GRIP1: variants seen among roughly 807,000 people sequenced by gnomAD.
GRIP1 encodes glutamate receptor-interacting protein 1.
Under a neutral mutation model 129.9 loss-of-function variants are expected in GRIP1, and 45 were observed. The observed-to-expected ratio is 0.35, with a 90% CI of 0.27 to 0.44. The LOEUF (loss-of-function observed/expected upper bound fraction) is 0.44, where lower values mean the gene tolerates loss of function less well. GRIP1 is among the 20% of genes least tolerant of loss of function. The probability of loss-of-function intolerance (pLI) is 1.00; values close to 1 mark genes in which losing one functional copy is unlikely to be tolerated. For missense variants in GRIP1, 1,196 were observed against 1,396.8 expected, an observed-to-expected ratio of 0.86 and a Z score of 2.29; for synonymous variants, 530 against 520.8, an observed-to-expected ratio of 1.02 and a Z score of -0.24.
chr12:66,424,127 A>T (rs2057902053), intron 14 of GRIP1, among the ~76,000 whole-genome samples: 1 of 152,188 alleles, frequency 6.6e-6, no homozygotes, highest in African/African-American at 2.4e-5. Context: ...TTCAGAATTC[A>T]TCGTCGTCAT....
chr12:66,736,137 G>C (rs150802872), intron 1 of GRIP1, among the ~76,000 whole-genome samples: 113 of 152,160 alleles, frequency 7.4e-4, no homozygotes, highest in Non-Finnish European at 1.4e-3. Flanking sequence ...CTGTTGACCA[G>C]AAGGCTTTCT....
intron 1 of GRIP1, among the ~76,000 whole-genome samples, chr12:66,598,793 A>T (rs1200873289): frequency 1.3e-5 from 2 of 152,208 alleles, no homozygotes; most frequent in South Asian, 2.1e-4. Flanking sequence ...AACCAGGCTT[A>T]GGTACGGCAT....
intron 1 of GRIP1, among the ~76,000 whole-genome samples, chr12:66,829,333 A>G (rs969766798): frequency 1.3e-5 from 2 of 152,158 alleles, no homozygotes; most frequent in African/African-American, 4.8e-5. Flanking sequence ...CTGGGAAGGG[A>G]AAGGGACAGA....
At chr12:66,362,637 C>A (rs968143810) in intron 23 of GRIP1, among the ~76,000 whole-genome samples, 1 of 151,820 alleles carries the variant, frequency 6.6e-6, no homozygotes, top group Non-Finnish European at 1.5e-5. Context: ...GCTAGAAATA[C>A]GTACATTTGA....
chr12:66,757,668 C>T (rs1212095036), intron 1 of GRIP1, among the ~76,000 whole-genome samples: 2 of 152,186 alleles, frequency 1.3e-5, no homozygotes, highest in African/African-American at 2.4e-5. Flanking sequence ...TAAGGGACCT[C>T]CAAATTGTTC....
chr12:66,814,480 T>C (rs2039166367), intron 1 of GRIP1, among the ~76,000 whole-genome samples: 1 of 152,116 alleles, frequency 6.6e-6, no homozygotes, highest in Non-Finnish European at 1.5e-5. Context: ...CTGTCCTTTT[T>C]ATTGTTACAT....
chr12:66,777,093 G>A (rs2038005759), intron 1 of GRIP1, among the ~76,000 whole-genome samples: 1 of 152,180 alleles, frequency 6.6e-6, no homozygotes, highest in South Asian at 2.1e-4. Context: ...GATGCTTTGT[G>A]GCTGCTAATC....
At chr12:66,934,497 C>T (rs1222949764) in intron 1 of GRIP1, among the ~76,000 whole-genome samples, 1 of 152,284 alleles carries the variant, frequency 6.6e-6, no homozygotes, top group South Asian at 2.1e-4. Context: ...GCGATACAGT[C>T]CTGGTCCTGT....
intron 1 of GRIP1, among the ~76,000 whole-genome samples, chr12:66,901,294 A>T (rs1313008520): frequency 6.6e-6 from 1 of 152,232 alleles, no homozygotes; most frequent in East Asian, 1.9e-4. Context: ...CAAAATATAA[A>T]GCTCAGTTAT....
intron 1 of GRIP1, among the ~76,000 whole-genome samples, chr12:66,643,425 GA>G (rs1483106798): frequency 2.6e-5 from 4 of 152,146 alleles, no homozygotes; most frequent in African/African-American, 7.2e-5. Context: ...TTAATGACAT[GA>G]AATGATAGTC....
intron 14 of GRIP1, among the ~76,000 whole-genome samples, chr12:66,430,365 T>C (rs2058112455): frequency 6.6e-6 from 1 of 152,218 alleles, no homozygotes; most frequent in Admixed American, 6.5e-5. Flanking sequence ...CAAGCTCATG[T>C]ATCATTTCTC....
chr12:66,969,720 T>C (rs1294193845), intron 1 of GRIP1, among the ~76,000 whole-genome samples: 1 of 151,934 alleles, frequency 6.6e-6, no homozygotes, highest in Non-Finnish European at 1.5e-5. Context: ...CCTGGCTCTT[T>C]TTTTTCCCAT....
At chr12:66,789,159 G>T (rs1694381586) in intron 1 of GRIP1, among the ~76,000 whole-genome samples, 2 of 152,050 alleles carry the variant, frequency 1.3e-5, no homozygotes, top group Non-Finnish European at 2.9e-5. Flanking sequence ...TTACAAAAAG[G>T]CTCACACTTG....
intron 1 of GRIP1, among the ~76,000 whole-genome samples, chr12:66,621,336 C>T (rs1205663845): frequency 1.3e-5 from 2 of 152,188 alleles, no homozygotes; most frequent in African/African-American, 4.8e-5. Context: ...TTCTAGGCAA[C>T]TCACATAGGG....
At chr12:66,990,570 G>GTAA (rs1391051319) in intron 1 of GRIP1, among the ~76,000 whole-genome samples, 3 of 152,212 alleles carry the variant, frequency 2.0e-5, no homozygotes, top group Non-Finnish European at 4.4e-5. Flanking sequence ...TGAGGCTCAT[G>GTAA]TAATACTCAC....
intron 19 of GRIP1, among the ~76,000 whole-genome samples, chr12:66,390,104 G>C (rs1427163073): frequency 6.6e-6 from 1 of 152,168 alleles, no homozygotes. Context: ...GAGATGGGGG[G>C]CTGCCTCAGC....
chr12:67,000,814 C>G (rs1452076475), intron 1 of GRIP1, among the ~76,000 whole-genome samples: 1 of 151,996 alleles, frequency 6.6e-6, no homozygotes, highest in African/African-American at 2.4e-5. Flanking sequence ...ATAGGGTTGT[C>G]AAGATTTAGC....
At chr12:66,670,747 T>C (rs1263115610) in intron 1 of GRIP1, among the ~76,000 whole-genome samples, 1 of 152,142 alleles carries the variant, frequency 6.6e-6, no homozygotes, top group Admixed American at 6.5e-5. Context: ...AGCTCAGAGC[T>C]CCCTTAAGGT....
intron 1 of GRIP1, among the ~76,000 whole-genome samples, chr12:66,950,360 A>C (rs762078918): frequency 6.6e-6 from 1 of 152,226 alleles, no homozygotes; most frequent in South Asian, 2.1e-4. Flanking sequence ...TATATTCTAA[A>C]TAAGTATTCT....
Sources: allele counts gnomAD v4.1 joint callset (sites outside exome capture counted in the v4.1 genomes callset), GRCh38; gene constraint gnomAD v4.1.1; transcripts MANE v1.5; gene names NCBI Gene and HGNC (gene_info 2026-07-23, HGNC 2026-07-21).